VASH2: variants seen among roughly 807,000 people sequenced by gnomAD.
The protein encoded by VASH2 is tubulinyl-Tyr carboxypeptidase 2.
VASH2 carries 28 observed loss-of-function variants against 37.2 expected under a neutral mutation model. The observed-to-expected ratio is 0.75, with a 90% CI of 0.56 to 1.03. The LOEUF is 1.03. Among genes scored for constraint, VASH2 ranks in the 50% least tolerant of loss-of-function variants. The probability of loss-of-function intolerance (pLI) is 0.00; values close to 1 mark genes in which losing one functional copy is unlikely to be tolerated. For missense variants in VASH2, 419 were observed against 459.1 expected (o/e 0.91, Z 0.80); for synonymous variants, 188 against 174.7 (o/e 1.08, Z -0.60).
At position 212,963,763 on chromosome 1, in the gene VASH2, A is replaced by G. The variant is rs565182160; in HGVS notation, c.366-1959A>G. On this transcript the variant is annotated intron_variant, in intron 3 of 7. Coordinates refer to ENST00000517399, the MANE Select transcript of VASH2 (RefSeq NM_001301056.2). ...AGGAACTGAAAGAAGATGTTCAGGTACACTTTTTTTTTTTATTTTACTCTA... is the reference window on the plus strand; with the variant it reads ...AGGAACTGAAAGAAGATGTTCAGGTGCACTTTTTTTTTTTATTTTACTCTA... Among the ~76,000 whole-genome samples, 12 of 152,086 alleles carry G rather than the reference A, an allele frequency of 7.9e-5. No homozygotes were observed. The East Asian group carries it at 1.9e-3, about 24-fold the overall frequency.
chr1:212,975,692 C>G (rs945868146), intron 7 of VASH2, among the ~76,000 whole-genome samples: 1 of 152,176 alleles, frequency 6.6e-6, no homozygotes, highest in African/African-American at 2.4e-5. Flanking sequence ...AGTGAGTGAC[C>G]CAGCAATAGC....
chr1:212,952,827 C>G (rs1403760952), intron 2 of VASH2: 2 of 152,190 alleles, frequency 1.3e-5, no homozygotes, highest in Non-Finnish European at 2.9e-5. Context: ...AGCCTGGTGA[C>G]AGCTGAGCAT....
At chr1:212,968,356 G>A (rs1022666330) in intron 5 of VASH2, 26 of 985,394 alleles carry the variant, frequency 2.6e-5, no homozygotes, top group Non-Finnish European at 4.8e-6. Flanking sequence ...AAAACCAGGA[G>A]AGAAAGGGGA....
In VASH2 at chr1:212,989,374, ACT is replaced by A. The variant is rs752722795; in HGVS notation, c.*793_*794del. Reference sequence around the variant, plus strand: ...TGTCACTAACATTTAAACTTTGCAGACTCTAACAAAAAGCACAAGAGGTCACG... The same window carrying A: ...TGTCACTAACATTTAAACTTTGCAGACTAACAAAAAGCACAAGAGGTCACG... On this transcript the variant is annotated 3_prime_UTR_variant, in exon 8 of 8. Transcript: ENST00000517399. The A allele has an allele frequency of 2.6e-5, 4 of 152,166 alleles. No individual in the cohort carries two copies. The highest frequency in any genetic ancestry group is 1.9e-4 in the East Asian group (1 of 5,198). 9.4% of individuals were successfully genotyped at this position (152,166 alleles called of 1,614,324 possible).
chr1:212,959,349 G>A (rs1301948981), intron 2 of VASH2, among the ~76,000 whole-genome samples: 1 of 152,154 alleles, frequency 6.6e-6, no homozygotes, highest in Non-Finnish European at 1.5e-5. Flanking sequence ...CTCTCAGACA[G>A]CAATGTGATT....
chr1:212,969,192 TTC>T, intron 5 of VASH2: 3 of 965,220 alleles, frequency 3.1e-6, no homozygotes, highest in Non-Finnish European at 3.6e-6. Flanking sequence ...CGAATTCTTC[TTC>T]TTTTTTTTTT....
intron 5 of VASH2, among the ~76,000 whole-genome samples, chr1:212,970,898 GAA>G (rs111890314): frequency 1.4e-5 from 2 of 143,462 alleles, no homozygotes; most frequent in Non-Finnish European, 3.1e-5. Context: ...TCAAAAAAAT[GAA>G]AAAAAAAAGA....
At position 212,988,613 on chromosome 1, in the gene VASH2, T is replaced by C; in HGVS notation, c.*29T>C. The C allele has an allele frequency of 6.2e-7, 1 of 1,610,860 alleles. No homozygotes were observed. Reference sequence around the variant, plus strand: ...AGCCATACCGGCCAGCAAGAGGGTTTCTGTGGTGCTTCTCTCTGCACTTTA... The same window carrying C: ...AGCCATACCGGCCAGCAAGAGGGTTCCTGTGGTGCTTCTCTCTGCACTTTA... On this transcript the variant is annotated 3_prime_UTR_variant, in exon 8 of 8. Coordinates refer to ENST00000517399, the MANE Select transcript of VASH2 (RefSeq NM_001301056.2).
chr1:212,987,536 G>A (rs1419609318), intron 7 of VASH2, among the ~76,000 whole-genome samples: 5 of 152,128 alleles, frequency 3.3e-5, no homozygotes, highest in Non-Finnish European at 7.4e-5. Context: ...ATTGTGCCAC[G>A]GCACTCTAGC....
At position 212,971,250 on chromosome 1, in the gene VASH2, A is replaced by G. The variant is rs1294735006; in HGVS notation, c.498-1330A>G. On this transcript the variant is annotated intron_variant, in intron 5 of 7. Transcript: ENST00000517399. This position sits in a 1 kb window ranked among gnomAD's most constrained non-coding sequence, Gnocchi z 4.0. ...CTGGCTATTGCAAATGATGCTGTTC[A>G]GAGCATGGGTGTACAAATACCTGCT... Among the ~76,000 whole-genome samples the G allele has an allele frequency of 1.3e-5, 2 of 152,228 alleles. No homozygotes were observed.
intron 7 of VASH2, among the ~76,000 whole-genome samples, chr1:212,977,822 C>T (rs1302544260): frequency 6.6e-6 from 1 of 152,174 alleles, no homozygotes; most frequent in Non-Finnish European, 1.5e-5. Flanking sequence ...AGCCTGAGAA[C>T]TGGTGTTTCT....
chr1:212,982,403 T>C (rs1031835025), intron 7 of VASH2, among the ~76,000 whole-genome samples: 2 of 152,212 alleles, frequency 1.3e-5, no homozygotes, highest in Admixed American at 1.3e-4. Context: ...TGGAGAAATA[T>C]ATTAGTCTAA....
chr1:212,957,686 C>G (rs576054077), intron 2 of VASH2, among the ~76,000 whole-genome samples: 99 of 150,380 alleles, frequency 6.6e-4, no homozygotes, highest in Admixed American at 2.5e-3. Flanking sequence ...GGCTCAATCA[C>G]TGCAACCTCC....
At position 212,954,789 on chromosome 1, in the gene VASH2, C is replaced by T. The variant is rs185202205; in HGVS notation, c.276+2971C>T. Among the ~76,000 whole-genome samples the T allele has an allele frequency of 7.1e-4, 108 of 152,328 alleles. 1 individual carries two copies. Among genetic ancestry groups the T allele is most frequent in the Admixed American group, 4.8e-3 (73 of 15,304 alleles). On this transcript the variant is annotated intron_variant, in intron 2 of 7. Transcript: ENST00000517399. The stretch of plus-strand genomic sequence containing the variant: ...TAGTAACTAGAAGGTTACGCGAAAA[C>T]TGCTTCCAAGCCAGGAATCCCCAGC...
intron 7 of VASH2, among the ~76,000 whole-genome samples, chr1:212,983,409 G>C (rs1278373918): frequency 9.2e-5 from 14 of 152,214 alleles, no homozygotes; most frequent in Admixed American, 9.2e-4. Context: ...AAGAGAGGGA[G>C]AGAGGAAAGA....
In VASH2 at chr1:212,955,511, C is replaced by T. The variant is rs150774420; in HGVS notation, c.276+3693C>T. Among the ~76,000 whole-genome samples, 868 of 152,206 alleles carry T rather than the reference C, an allele frequency of 5.7e-3. 6 individuals carry two copies. Among genetic ancestry groups the T allele is most frequent in the African/African-American group, 0.019 (799 of 41,522 alleles). ...TTGGAGGATAATAGCAGATGGGAAGCGAGGCTCAGAGAGAGTGGCCAGCCC... is the reference window on the plus strand; with the variant it reads ...TTGGAGGATAATAGCAGATGGGAAGTGAGGCTCAGAGAGAGTGGCCAGCCC... On this transcript the variant is annotated intron_variant, in intron 2 of 7. Transcript: ENST00000517399.
At chr1:212,966,514 G>A (rs1052862396) in intron 5 of VASH2, among the ~76,000 whole-genome samples, 169 bp downstream of exon 5, 1 of 152,168 alleles carries the variant, frequency 6.6e-6, no homozygotes, top group Non-Finnish European at 1.5e-5. Context: ...ATGTAGAATT[G>A]AACCAAATCA....
chr1:212,961,168 T>G lies in VASH2; in HGVS notation c.279T>G (p.Pro93=). 1.9e-6 allele frequency: 3 copies of G among 1,614,140 alleles called. No homozygotes were observed. The highest frequency in any genetic ancestry group is 2.5e-6 in the Non-Finnish European group (3 of 1,180,014). ...TCCTCTTCTCTATTTTTCTGCAGCC[T>G]TCAATACCCCAGGTCCCAAACTACA... The part of the protein sequence containing the change: ...AIRNAAFLAK[P]SIPQVPNYRL... The change falls in exon 3 of 8, where the codon CCT becomes CCG. Residue 93 remains proline (P), a splice_region_variant and synonymous_variant. Transcript: ENST00000517399.
rs1666288967 is a variant in VASH2 at position 212,951,067 on chromosome 1, T to C, written c.-204-272T>C. ...CTTCATGCTACACAAGCTGTCTTTC[T>C]TCTCCCCACATCTTGCGCTCCGCAT... is the stretch of plus-strand genomic sequence containing the variant. On this transcript the variant is annotated intron_variant, in intron 1 of 7. Transcript: ENST00000517399. This position sits in a 1 kb window ranked among gnomAD's most constrained non-coding sequence, Gnocchi z 4.4. 1 of 152,432 alleles carries C rather than the reference T, an allele frequency of 6.6e-6. No individual in the cohort carries two copies. Among genetic ancestry groups the C allele is most frequent in the African/African-American group, 2.4e-5 (1 of 41,470 alleles). The allele number at this position is 152,432 out of a possible 1,614,324, so 9.4% of individuals were successfully genotyped here. A position where few individuals can be genotyped will look rare whatever the true frequency, so the allele number is the denominator to read the frequency against.
Sources: allele counts gnomAD v4.1 joint callset (sites outside exome capture counted in the v4.1 genomes callset), GRCh38; gene constraint gnomAD v4.1.1; non-coding constraint Gnocchi (gnomAD v3.1); transcripts MANE v1.5; gene names NCBI Gene and HGNC (gene_info 2026-07-23, HGNC 2026-07-21).